NGEF: variants seen among roughly 807,000 people sequenced by gnomAD.
NGEF encodes the protein neuronal guanine nucleotide exchange factor, also known as ephexin-1.
Under a neutral mutation model 80.9 loss-of-function variants are expected in NGEF, and 31 were observed. That is an observed-to-expected ratio of 0.38 (90% CI 0.29 to 0.52). NGEF has a LOEUF of 0.52. Ranked by LOEUF, NGEF falls within the 20% of genes least tolerant of loss-of-function variation. The pLI, the probability that NGEF is intolerant of heterozygous loss-of-function variation, is 0.84. For missense variants in NGEF, 709 were observed against 926.2 expected, an observed-to-expected ratio of 0.77 and a Z score of 3.04; for synonymous variants, 371 against 370.2, an observed-to-expected ratio of 1.00 and a Z score of -0.03.
chr2:232,972,692 G>A (rs1234768900), intron 2 of NGEF, among the ~76,000 whole-genome samples: 2 of 149,520 alleles, frequency 1.3e-5, no homozygotes, highest in East Asian at 4.1e-4. Flanking sequence ...CCGGGTACCT[G>A]CATGAAATCA....
At chr2:232,986,036 G>A (rs1694526753) in intron 1 of NGEF, among the ~76,000 whole-genome samples, 1 of 151,906 alleles carries the variant, frequency 6.6e-6, no homozygotes, top group Admixed American at 6.6e-5. Flanking sequence ...AAATGTTGAA[G>A]CATTGCTGAA....
chr2:232,883,500 C>A, intron 11 of NGEF, 34 bp from the exon 12 acceptor site: 1 of 1,529,852 alleles, frequency 6.5e-7, no homozygotes, highest in South Asian at 1.3e-5. Flanking sequence ...GCGTGTCAGC[C>A]CCGAGGAGGC....
chr2:233,013,027 T>C (rs1441894350), intron 1 of NGEF, 41 bp downstream of exon 1: 1 of 457,702 alleles, frequency 2.2e-6, no homozygotes, highest in Non-Finnish European at 4.5e-6. Context: ...TTGTTTTATC[T>C]CATTTTATTT....
At chr2:232,963,349 A>T (rs1188767416) in intron 3 of NGEF, among the ~76,000 whole-genome samples, 3 of 152,008 alleles carry the variant, frequency 2.0e-5, no homozygotes, top group Non-Finnish European at 2.9e-5. Context: ...ATCTATATGG[A>T]CCATAGACCC....
At position 232,920,433 on chromosome 2, in the gene NGEF, G is replaced by C. The variant is rs1412042828; in HGVS notation, c.679C>G (p.Pro227Ala). The C allele has an allele frequency of 2.5e-6, 4 of 1,613,570 alleles. No homozygotes were observed. The highest frequency in any genetic ancestry group is 3.4e-6 in the Non-Finnish European group (4 of 1,179,740). The change falls in exon 5 of 15, where the codon CCG becomes GCG. Residue 227 changes from proline to alanine, a missense_variant. Coordinates refer to ENST00000264051, the MANE Select transcript of NGEF (RefSeq NM_019850.3). The part of the protein sequence containing the change: ...EEEEEEEEEE[P>A]ASPPERKTLP... ...GTCTTCCTCTCTGGTGGGCTGGCCG[G>C]CTCCTCCTCCTCCTCCTCTTCTTCT...
At chr2:232,939,431 C>A (rs1375605777) in intron 3 of NGEF, among the ~76,000 whole-genome samples, 1 of 152,018 alleles carries the variant, frequency 6.6e-6, no homozygotes, top group Admixed American at 6.6e-5. Context: ...ATTGCCTTAA[C>A]CATTAACCAA....
intron 5 of NGEF, among the ~76,000 whole-genome samples, chr2:232,908,047 C>A (rs904162592): frequency 3.3e-5 from 5 of 151,852 alleles, no homozygotes; most frequent in Non-Finnish European, 7.4e-5. Flanking sequence ...GAGGTGGAGG[C>A]TTCAGTGAGC....
intron 1 of NGEF, among the ~76,000 whole-genome samples, chr2:232,978,758 C>T (rs569465263): frequency 7.2e-5 from 11 of 152,128 alleles, no homozygotes; most frequent in Non-Finnish European, 1.2e-4. Context: ...GGCAGTCTGT[C>T]GCCCTTGCTG....
chr2:232,920,555 G>C lies in NGEF; in HGVS notation c.557C>G (p.Ser186Trp). Residue 186 changes from serine (S) to tryptophan (W), a missense_variant, in exon 5 of 15, where the codon TCG (serine) becomes TGG (tryptophan). By Grantham distance (177) the Ser-to-Trp change is radical. This residue lies in a region of NGEF where 283 missense variants were observed against 303.4 expected (regional missense o/e 0.93). Coordinates refer to ENST00000264051, the MANE Select transcript of NGEF (RefSeq NM_019850.3). ...CCTGGTTTCGATTTCTTGGAGAGTC[G>C]ATTTATCTCGGTATTCCTGATACAG... ...GLLYQEYRDK[S>W]TLQEIETRRQ... The C allele has an allele frequency of 6.5e-7, 1 of 1,537,774 alleles. No homozygotes were observed.
rs576119488 is a variant in NGEF at position 232,894,799 on chromosome 2, T to C, written c.946A>G (p.Ile316Val). ...ACGTCCAGGACGTTGGAGAAGAGGA[T>C]GTGCGCCTCGGACGGGTGCAGGATC... is the stretch of plus-strand genomic sequence containing the variant. ...RKILHPSEAHILFSNVLDVLA... is the reference protein window; with the variant it reads ...RKILHPSEAHVLFSNVLDVLA... Residue 316 changes from isoleucine (I) to valine (V), a missense_variant, in exon 6 of 15, where the codon ATC (isoleucine) becomes GTC (valine). Physicochemically the swap from Ile to Val is conservative, Grantham distance 29. Transcript: ENST00000264051. The C allele has an allele frequency of 1.9e-6, 3 of 1,610,704 alleles. No homozygotes were observed. The highest frequency in any genetic ancestry group is 4.5e-5 in the East Asian group (2 of 44,808).
chr2:232,888,705 G>A (rs569939808), intron 8 of NGEF, among the ~76,000 whole-genome samples: 21 of 152,316 alleles, frequency 1.4e-4, no homozygotes, highest in South Asian at 2.1e-4. Flanking sequence ...AAATGCTTAC[G>A]GGACAGGGGT....
chr2:232,938,498 T>C (rs778350), intron 3 of NGEF, among the ~76,000 whole-genome samples: 38,275 of 152,016 alleles, frequency 0.25, 5,235 homozygotes, highest in Non-Finnish European at 0.31. Flanking sequence ...ACCAAGGATC[T>C]TAGGATACAT....
chr2:232,886,282 G>T (rs796371308), intron 9 of NGEF, among the ~76,000 whole-genome samples: 32 of 151,814 alleles, frequency 2.1e-4, no homozygotes, highest in African/African-American at 7.0e-4. Flanking sequence ...CCGTGTATGT[G>T]TGTGTGCGTG....
At chr2:232,931,253 T>G (rs529248321) in intron 3 of NGEF, among the ~76,000 whole-genome samples, 2 of 152,326 alleles carry the variant, frequency 1.3e-5, no homozygotes, top group South Asian at 4.1e-4. Context: ...CCCACTGGTG[T>G]GGCACTGTCA....
Position 232,906,206 on chromosome 2 carries a change from G to T in NGEF, c.829-11290C>A, listed in dbSNP as rs1305533830. ...CCCCGCCTGGCCAGCCGCCCCGTCCGGGAAGGAGGTGGGGGGGGGTCAGCC... is the reference window on the plus strand; with the variant it reads ...CCCCGCCTGGCCAGCCGCCCCGTCCTGGAAGGAGGTGGGGGGGGGTCAGCC... On this transcript the variant is annotated intron_variant, in intron 5 of 14. Coordinates refer to ENST00000264051, the MANE Select transcript of NGEF (RefSeq NM_019850.3). Among the ~76,000 whole-genome samples, 12 of 25,460 alleles carry T rather than the reference G, an allele frequency of 4.7e-4. 2 individuals are homozygous for T. Among genetic ancestry groups the T allele is most frequent in the African/African-American group, 1.7e-3 (11 of 6,464 alleles). 16.7% of individuals were successfully genotyped at this position (25,460 alleles called of 152,430 possible). A position where few individuals can be genotyped will look rare whatever the true frequency, so the allele number is the denominator to read the frequency against.
At chr2:232,988,087 GAC>G (rs1694574825) in intron 1 of NGEF, among the ~76,000 whole-genome samples, 1 of 150,726 alleles carries the variant, frequency 6.6e-6, no homozygotes. Flanking sequence ...GTGTGTGAGT[GAC>G]AATCTCAAAG....
intron 4 of NGEF, among the ~76,000 whole-genome samples, chr2:232,922,603 C>A (rs895334056): frequency 6.6e-6 from 1 of 152,198 alleles, no homozygotes; most frequent in Non-Finnish European, 1.5e-5. Context: ...ATAAGGTAGG[C>A]CGACTATTGC....
chr2:232,979,357 TACAC>T (rs375393249), intron 1 of NGEF, among the ~76,000 whole-genome samples: 69 of 110,380 alleles, frequency 6.3e-4, no homozygotes, highest in Admixed American at 1.0e-3. Context: ...GAGATGATTT[TACAC>T]ACACACACAC....
intron 4 of NGEF, among the ~76,000 whole-genome samples, chr2:232,924,748 T>C (rs980412683): frequency 6.6e-6 from 1 of 152,236 alleles, no homozygotes; most frequent in African/African-American, 2.4e-5. Flanking sequence ...GAGACACTTT[T>C]GTTGCTTAAG....
Sources: allele counts gnomAD v4.1 joint callset (sites outside exome capture counted in the v4.1 genomes callset), GRCh38; gene constraint gnomAD v4.1.1; regional missense constraint gnomAD v4.1.1; transcripts MANE v1.5; gene names NCBI Gene and HGNC (gene_info 2026-07-23, HGNC 2026-07-21).